MEFV: variants seen among roughly 807,000 people sequenced by gnomAD.
The protein encoded by MEFV is pyrin.
A neutral mutation model predicts 62.5 loss-of-function variants in MEFV; 60 were observed. That is an observed-to-expected ratio of 0.96 (90% confidence interval 0.78 to 1.19). The LOEUF is 1.19. Among genes scored for constraint, MEFV ranks in the 50% most tolerant of loss-of-function variants. The pLI, the probability that MEFV is intolerant of heterozygous loss-of-function variation, is 0.00. For synonymous variants in MEFV, 500 were observed against 415.2 expected, an observed-to-expected ratio of 1.20 and a Z score of -2.48; for missense variants, 1,169 against 1,004.5, an observed-to-expected ratio of 1.16 and a Z score of -2.21.
intron 2 of MEFV, among the ~76,000 whole-genome samples, chr16:3,250,488 A>C (rs181782815): frequency 6.8e-4 from 104 of 152,156 alleles, no homozygotes; most frequent in Non-Finnish European, 1.1e-3. Flanking sequence ...GCACACCTCT[A>C]ATCCCAGCTA....
intron 2 of MEFV, among the ~76,000 whole-genome samples, chr16:3,252,808 G>T (rs1959056780): frequency 1.3e-5 from 2 of 151,482 alleles, no homozygotes; most frequent in African/African-American, 4.8e-5. Flanking sequence ...AAATTAACCA[G>T]GTGTGGTGGT....
At chr16:3,245,912 G>C (rs1241995163) in intron 6 of MEFV, among the ~76,000 whole-genome samples, 1 of 152,206 alleles carries the variant, frequency 6.6e-6, no homozygotes, top group Non-Finnish European at 1.5e-5. Flanking sequence ...CCAAAAGTTA[G>C]AAGAAGTCCC....
chr16:3,249,160 T>C (rs1224124131), intron 3 of MEFV, among the ~76,000 whole-genome samples, 156 bp from the exon 4 acceptor site: 1 of 152,192 alleles, frequency 6.6e-6, no homozygotes. Flanking sequence ...GAGGGAGGAA[T>C]GGCTGAATTG....
At chr16:3,250,992 C>G (rs919230715) in intron 2 of MEFV, among the ~76,000 whole-genome samples, 7 of 146,284 alleles carry the variant, frequency 4.8e-5, no homozygotes, top group African/African-American at 1.5e-4. Context: ...CCACTGCACT[C>G]CAGTCTGGGT....
intron 8 of MEFV, 159 bp from the exon 9 acceptor site, chr16:3,244,051 ATGTTGGGGAC>A: frequency 6.4e-7 from 1 of 1,551,920 alleles, no homozygotes; most frequent in Non-Finnish European, 8.7e-7. Context: ...AACCCAGGCC[ATGTTGGGGAC>A]TGTGGTCTAA....
intron 2 of MEFV, 54 bp downstream of exon 2, chr16:3,254,104 G>C (rs1161303153): frequency 6.3e-7 from 1 of 1,594,464 alleles, no homozygotes; most frequent in South Asian, 1.1e-5. Flanking sequence ...TATCGTGCCC[G>C]GCCAGCCATT....
chr16:3,247,085 G>T lies in MEFV; in HGVS notation c.1518C>A (p.Ile506=). 1 of 1,614,178 alleles carries T rather than the reference G, an allele frequency of 6.2e-7. No individual in the cohort carries two copies. Among genetic ancestry groups the T allele is most frequent in the Non-Finnish European group, 8.5e-7 (1 of 1,180,040 alleles). Residue 506 remains isoleucine (I), a synonymous_variant, in exon 5 of 10, where the codon ATC becomes ATA. Coordinates refer to ENST00000219596, the MANE Select transcript of MEFV (RefSeq NM_000243.3). ...KAYDTRVSQD[I]ALLDALIGEL... ...CCCCAATCAGCGCATCGAGCAGGGC[G>T]ATGTCCTGGGATACGCGGGTGTCAT... is the stretch of plus-strand genomic sequence containing the variant.
chr16:3,254,827 C>G, intron 1 of MEFV, 37 bp from the exon 2 acceptor site: 1 of 1,606,116 alleles, frequency 6.2e-7, no homozygotes, highest in Admixed American at 1.7e-5. Flanking sequence ...ATGAAGCTGT[C>G]CCACGTTTAG....
chr16:3,250,427 G>T (rs1370890095), intron 2 of MEFV, among the ~76,000 whole-genome samples: 1 of 151,870 alleles, frequency 6.6e-6, no homozygotes, highest in African/African-American at 2.4e-5. Context: ...TGGGCAACAT[G>T]GCAAGAGCCC....
chr16:3,243,412 A>T lies in MEFV; in HGVS notation c.2075T>A (p.Ile692Lys). ...CTGGTACTCATTTTCCTTCATCATT[A>T]TCACCACCCAGTAGCCATTCTCTGG... ...LSPENGYWVVIMMKENEYQAS... is the reference protein window; with the variant it reads ...LSPENGYWVVKMMKENEYQAS... Residue 692 changes from isoleucine (I) to lysine (K), a missense_variant, in exon 10 of 10, where the codon ATA (isoleucine) becomes AAA (lysine). Coordinates refer to ENST00000219596, the MANE Select transcript of MEFV (RefSeq NM_000243.3). The T allele has an allele frequency of 6.2e-7, 1 of 1,614,172 alleles. No homozygotes were observed. Among genetic ancestry groups the T allele is most frequent in the Non-Finnish European group, 8.5e-7 (1 of 1,180,026 alleles).
rs1958877467 is a variant in MEFV at position 3,242,878 on chromosome 16, CA to C, written c.*262del. The stretch of plus-strand genomic sequence containing the variant: ...AGGAGCACCTGAGAGTGCCACCCAC[CA>C]GGGGCGGATTATGCAACGACTCCGT... On this transcript the variant is annotated 3_prime_UTR_variant, in exon 10 of 10. Transcript: ENST00000219596. 3.9e-6 allele frequency: 2 copies of C among 509,690 alleles called. No individual in the cohort carries two copies. The highest frequency in any genetic ancestry group is 7.2e-6 in the Non-Finnish European group (2 of 279,474). The allele number at this position is 509,690 out of a possible 1,614,324, so 31.6% of individuals were successfully genotyped here. A position where few individuals can be genotyped will look rare whatever the true frequency, so the allele number is the denominator to read the frequency against.
rs140434276 is a variant in MEFV at position 3,243,302 on chromosome 16, T to C, written c.2185A>G (p.Ile729Val). The C allele has an allele frequency of 4.3e-6, 7 of 1,614,052 alleles. No homozygotes were observed. In the African/African-American group the frequency reaches 8.0e-5, roughly 18 times the overall value. The change falls in exon 10 of 10, where the codon ATC (isoleucine) becomes GTC (valine). Residue 729 changes from isoleucine (I) to valine (V), a missense_variant. Coordinates refer to ENST00000219596, the MANE Select transcript of MEFV (RefSeq NM_000243.3). ...GIFVDYRVGS[I>V]SFYNVTARSH... ...CTGGCTGTCACATTGTAAAAGGAGA[T>C]GCTTCCAACTCTGTAGTCCACGAAG... is the stretch of plus-strand genomic sequence containing the variant.
intron 4 of MEFV, 53 bp from the exon 5 acceptor site, chr16:3,247,299 G>T (rs1229066709): frequency 6.5e-7 from 1 of 1,535,748 alleles, no homozygotes; most frequent in Non-Finnish European, 9.0e-7. Flanking sequence ...GGTGGACGTG[G>T]ATGTCCAGGA....
rs755659290 is a variant in MEFV, at chr16:3,249,480, T to C, written c.1211A>G (p.His404Arg). The C allele has an allele frequency of 4.3e-6, 7 of 1,614,032 alleles. No individual in the cohort carries two copies. The Admixed American group carries it at 5.0e-5, about 12-fold the overall frequency. Residue 404 changes from histidine to arginine, a missense_variant, in exon 3 of 10, where the codon CAC becomes CGC. By Grantham distance (29) the His-to-Arg change is conservative (BLOSUM62 0). Transcript: ENST00000219596. ...AATGGGGCGCACCCGGTGGCCTTGG[T>C]GCTCCTGACTCAGACTGCAGATGAG... ...ICLICSLSQE[H>R]QGHRVRPIEE...
rs538739787 is a variant in MEFV at position 3,242,953 on chromosome 16, C to G, written c.*188G>C. 1 of 661,262 alleles carries G rather than the reference C, an allele frequency of 1.5e-6. No homozygotes were observed. The highest frequency in any genetic ancestry group is 1.8e-5 in the South Asian group (1 of 56,826). 41.0% of individuals were successfully genotyped at this position (661,262 alleles called of 1,614,324 possible). A position where few individuals can be genotyped will look rare whatever the true frequency, so the allele number is the denominator to read the frequency against. ...TGTGTCATCAGTACATGTCTTCACC[C>G]GGATTGACTAACATGTTCGTTCCTA... On this transcript the variant is annotated 3_prime_UTR_variant, in exon 10 of 10. Transcript: ENST00000219596.
Position 3,254,532 on chromosome 16 carries a change from C to A in MEFV, c.536G>T (p.Ser179Ile), listed in dbSNP as rs104895125. 1.9e-6 allele frequency: 3 copies of A among 1,555,414 alleles called. No individual in the cohort carries two copies. The highest frequency in any genetic ancestry group is 1.9e-5 in the Admixed American group (1 of 52,008). ...LDAQGKPRTR[S>I]PALPGGRSPG... The stretch of plus-strand genomic sequence containing the variant: ...GCTTCTCCCGCCCGGCAGGGCCGGG[C>A]TCCGGGTCCGAGGCTTGCCCTGCGC... Residue 179 changes from serine (S) to isoleucine (I), a missense_variant, in exon 2 of 10, where the codon AGC becomes ATC. Coordinates refer to ENST00000219596, the MANE Select transcript of MEFV (RefSeq NM_000243.3).
At chr16:3,253,596 C>G (rs1230278090) in intron 2 of MEFV, among the ~76,000 whole-genome samples, 1 of 152,206 alleles carries the variant, frequency 6.6e-6, no homozygotes, top group African/African-American at 2.4e-5. Context: ...TCACTGCAGC[C>G]TGGAACTCCC....
At chr16:3,252,060 A>AG (rs1447526339) in intron 2 of MEFV, 4 of 338,094 alleles carry the variant, frequency 1.2e-5, no homozygotes, top group African/African-American at 2.2e-5. Context: ...CTAAAAAAAA[A>AG]AAAAAATTAA....
Position 3,256,597 on chromosome 16 carries a change from C to G in MEFV, c.-10G>C. On this transcript the variant is annotated 5_prime_UTR_variant, in exon 1 of 10. Transcript: ENST00000219596. Reference sequence around the variant, plus strand: ...TAGGGGTCTTAGCCATGGTGCTGAGCAGGAGAGGCTCGAGCCAGCTGTCTG... The same window carrying G: ...TAGGGGTCTTAGCCATGGTGCTGAGGAGGAGAGGCTCGAGCCAGCTGTCTG... The G allele has an allele frequency of 6.2e-7, 1 of 1,614,114 alleles. No homozygotes were observed. Among genetic ancestry groups the G allele is most frequent in the Non-Finnish European group, 8.5e-7 (1 of 1,180,032 alleles).
Sources: gnomAD v4.1 joint callset for allele counts (sites outside exome capture counted in the v4.1 genomes callset) on GRCh38, gnomAD v4.1.1 for gene constraint, MANE v1.5 for transcripts, NCBI Gene and HGNC (gene_info 2026-07-23, HGNC 2026-07-21) for gene names.